The following CUBN variants were observed in gnomAD, a reference collection of about 807,000 sequenced individuals.
The protein encoded by CUBN is cubilin.
A neutral mutation model predicts 405.3 loss-of-function variants in CUBN; 282 were observed. That is an observed-to-expected ratio of 0.70 (90% confidence interval 0.63 to 0.77). The LOEUF (loss-of-function observed/expected upper bound fraction) is 0.77, where lower values mean the gene tolerates loss of function less well. Ranked by LOEUF, CUBN falls within the 30% of genes least tolerant of loss-of-function variation. The probability of loss-of-function intolerance (pLI) is 0.00; values close to 1 mark genes in which losing one functional copy is unlikely to be tolerated. For missense variants in CUBN, 4,514 were observed against 4,475.2 expected, an observed-to-expected ratio of 1.01 and a Z score of -0.25; for synonymous variants, 1,684 against 1,617.0, an observed-to-expected ratio of 1.04 and a Z score of -0.99.
chr10:16,981,473 C>T (rs953974523), intron 31 of CUBN, among the ~76,000 whole-genome samples: 1 of 152,124 alleles, frequency 6.6e-6, no homozygotes, highest in African/African-American at 2.4e-5. Context: ...AAGGCTGTCA[C>T]CCTGACCCTC....
chr10:16,834,874 G>A (rs943954157), intron 64 of CUBN, 140 bp downstream of exon 64: 13 of 970,220 alleles, frequency 1.3e-5, no homozygotes, highest in Non-Finnish European at 2.0e-5. Flanking sequence ...AGATGTTTAG[G>A]GAATGAAAGG....
chr10:17,095,106 A>G (rs1564513342), intron 14 of CUBN, among the ~76,000 whole-genome samples: 1 of 152,072 alleles, frequency 6.6e-6, no homozygotes, highest in Admixed American at 6.6e-5. Context: ...AAGTCCATAT[A>G]TTATGCTGAA....
At chr10:17,065,774 ATTTCAGGC>A in intron 21 of CUBN, 136 bp from the exon 22 acceptor site, 1 of 1,045,716 alleles carries the variant, frequency 9.6e-7, no homozygotes, top group Non-Finnish European at 1.4e-6. Flanking sequence ...ACACAAATAT[ATTTCAGGC>A]AAAAAAGATT....
chr10:17,070,909 G>A (rs112264757), intron 19 of CUBN, among the ~76,000 whole-genome samples: 1 of 152,176 alleles, frequency 6.6e-6, no homozygotes, highest in African/African-American at 2.4e-5. Context: ...CTGAATAGAA[G>A]TAGTGAGAAC....
At chr10:17,070,810 G>C (rs1319568833) in intron 19 of CUBN, among the ~76,000 whole-genome samples, 1 of 152,092 alleles carries the variant, frequency 6.6e-6, no homozygotes, top group African/African-American at 2.4e-5. Flanking sequence ...TCTGTGAATA[G>C]AGAGAATTTT....
intron 23 of CUBN, among the ~76,000 whole-genome samples, 158 bp downstream of exon 23, chr10:17,047,256 G>A (rs1253708449): frequency 6.6e-6 from 1 of 152,094 alleles, no homozygotes; most frequent in Non-Finnish European, 1.5e-5. Context: ...TTTCTCCTAA[G>A]TCAGGCTCCA....
intron 48 of CUBN, among the ~76,000 whole-genome samples, chr10:16,913,170 A>C (rs1427444872): frequency 1.3e-5 from 2 of 152,210 alleles, no homozygotes; most frequent in African/African-American, 4.8e-5. Flanking sequence ...TGAGATAACA[A>C]ACACTGCAGA....
chr10:16,866,505 G>A (rs1387737260), intron 59 of CUBN, among the ~76,000 whole-genome samples: 1 of 152,226 alleles, frequency 6.6e-6, no homozygotes. Context: ...CATCCGTTCT[G>A]CCTATAGGCC....
At chr10:16,846,826 G>GAAAAGAAAAAGA (rs67047586) in intron 60 of CUBN, among the ~76,000 whole-genome samples, 6 of 141,962 alleles carry the variant, frequency 4.2e-5, no homozygotes, top group Non-Finnish European at 7.6e-5. Flanking sequence ...AAAAAAAAAA[G>GAAAAGAAAAAGA]AAAAGAAAAA....
At position 17,126,013 on chromosome 10, in the gene CUBN, T is replaced by G. The variant is rs568938268; in HGVS notation, c.387+748A>C. Among the ~76,000 whole-genome samples, 4 of 152,324 alleles carry G rather than the reference T, an allele frequency of 2.6e-5. No individual in the cohort carries two copies. In the East Asian group the frequency reaches 7.7e-4, roughly 29 times the overall value. ...CTCAATCTGCATGAGTCCTTTTTTT[T>G]GTATCTGTCCTTCACAGTGGGACAG... On this transcript the variant is annotated intron_variant, in intron 4 of 66. Transcript: ENST00000377833.
chr10:16,972,690 T>A (rs984809723), intron 31 of CUBN, among the ~76,000 whole-genome samples: 18 of 152,148 alleles, frequency 1.2e-4, no homozygotes, highest in Non-Finnish European at 2.9e-5. Context: ...CCTCCCAAAG[T>A]GCTGGAATTA....
rs143920616 is a variant in CUBN at position 16,976,189 on chromosome 10, C to A, written c.4695+6295G>T. Among the ~76,000 whole-genome samples the A allele has an allele frequency of 9.9e-5, 15 of 152,066 alleles. No individual in the cohort carries two copies. The East Asian group carries it at 2.9e-3, about 30-fold the overall frequency. On this transcript the variant is annotated intron_variant, in intron 31 of 66. Transcript: ENST00000377833. ...GTCTCACTACATTGCCCAGGCTGGT[C>A]TCAAACTCCTGGGCTCAAGTGATCC...
chr10:17,085,361 A>G (rs1183725719), intron 16 of CUBN, among the ~76,000 whole-genome samples: 1 of 152,214 alleles, frequency 6.6e-6, no homozygotes, highest in Non-Finnish European at 1.5e-5. Flanking sequence ...TGCCTCATAC[A>G]TCTTTATCAT....
intron 36 of CUBN, among the ~76,000 whole-genome samples, chr10:16,942,253 G>C (rs1487738277): frequency 6.6e-6 from 1 of 152,098 alleles, no homozygotes; most frequent in Non-Finnish European, 1.5e-5. Flanking sequence ...AATTATTTGG[G>C]AGTTTCTCAT....
chr10:16,986,608 C>T (rs1833433186), intron 29 of CUBN, among the ~76,000 whole-genome samples: 1 of 152,160 alleles, frequency 6.6e-6, no homozygotes, highest in South Asian at 2.1e-4. Context: ...GATGTTTGTG[C>T]ACTCCCCCCA....
At chr10:16,956,754 AG>A (rs1421157426) in intron 31 of CUBN, among the ~76,000 whole-genome samples, 1 of 152,188 alleles carries the variant, frequency 6.6e-6, no homozygotes, top group Non-Finnish European at 1.5e-5. Context: ...TTGAATCTTA[AG>A]GCACAGACTA....
chr10:16,853,817 T>C (rs77977609), intron 59 of CUBN, among the ~76,000 whole-genome samples: 302 of 152,334 alleles, frequency 2.0e-3, no homozygotes, highest in African/African-American at 7.0e-3. Context: ...GTGAACTGAC[T>C]GTTACTTAAG....
chr10:17,085,676 G>A lies in CUBN; in HGVS notation c.2031C>T (p.Gly677=), dbSNP rs1444719020. 3 of 1,613,992 alleles carry A rather than the reference G, an allele frequency of 1.9e-6. No individual in the cohort carries two copies. The highest frequency in any genetic ancestry group is 1.1e-5 in the South Asian group (1 of 91,080). Residue 677 remains glycine (G), a synonymous_variant, in exon 16 of 67, where the codon GGC becomes GGT. Transcript: ENST00000377833. ...TFSVPPLQTT[G]PFARIHFHSD... ...AATGGAAGTGAATTCTGGCAAAGGG[G>A]CCAGTAGTCTGGAGCGGTGGGACAG...
intron 31 of CUBN, among the ~76,000 whole-genome samples, chr10:16,978,581 G>A (rs1833168275): frequency 6.6e-6 from 1 of 152,130 alleles, no homozygotes; most frequent in Non-Finnish European, 1.5e-5. Context: ...GGACTACTTG[G>A]AAAAATGTAA....
Sources: gnomAD v4.1 joint callset for allele counts (sites outside exome capture counted in the v4.1 genomes callset) on GRCh38, gnomAD v4.1.1 for gene constraint, MANE v1.5 for transcripts, NCBI Gene and HGNC (gene_info 2026-07-23, HGNC 2026-07-21) for gene names.